RBFOX1: variants seen among roughly 807,000 people sequenced by gnomAD.
The protein encoded by RBFOX1 is RNA binding fox-1 homolog 1, also known as RNA binding protein fox-1 homolog 1.
A neutral mutation model predicts 57.7 loss-of-function variants in RBFOX1; 8 were observed. That is an observed-to-expected ratio of 0.14 (90% CI 0.08 to 0.25). RBFOX1 has a LOEUF of 0.25. Ranked by LOEUF, RBFOX1 falls within the 10% of genes least tolerant of loss-of-function variation. The probability of loss-of-function intolerance (pLI) is 1.00; values close to 1 mark genes in which losing one functional copy is unlikely to be tolerated. For synonymous variants in RBFOX1, 326 were observed against 222.4 expected, an observed-to-expected ratio of 1.47 and a Z score of -4.15; for missense variants, 611 against 548.5, an observed-to-expected ratio of 1.11 and a Z score of -1.14.
At chr16:7,653,713 G>T (rs1156530241) in intron 11 of RBFOX1, 102 bp from the exon 12 acceptor site, 2 of 1,534,570 alleles carry the variant, frequency 1.3e-6, no homozygotes, top group Non-Finnish European at 1.8e-6. Context: ...GGTCCTGCTG[G>T]GACCCTGTGC....
intron 12 of RBFOX1, among the ~76,000 whole-genome samples, chr16:7,656,883 G>T (rs983292286): frequency 6.6e-6 from 1 of 152,144 alleles, no homozygotes; most frequent in African/African-American, 2.4e-5. Flanking sequence ...CAGAAGAGAA[G>T]AAATATGGGG....
At chr16:7,549,073 C>T (rs928155643) in intron 5 of RBFOX1, among the ~76,000 whole-genome samples, 7 of 152,092 alleles carry the variant, frequency 4.6e-5, no homozygotes, top group Non-Finnish European at 8.8e-5. Flanking sequence ...TCTGAAGAGG[C>T]GACATTTAAG....
intron 2 of RBFOX1, among the ~76,000 whole-genome samples, chr16:6,575,041 TAA>T (rs60159843): frequency 0.088 from 12,553 of 141,876 alleles, 1,870 homozygotes; most frequent in African/African-American, 0.32. Context: ...CCGTCTCAAT[TAA>T]AAAAAAAAAA....
chr16:6,249,047 A>G (rs975083335), intron 1 of RBFOX1, among the ~76,000 whole-genome samples: 3 of 152,312 alleles, frequency 2.0e-5, no homozygotes, highest in Non-Finnish European at 2.9e-5. Context: ...TAAATTGATC[A>G]TTATACATTT....
At chr16:7,034,942 C>G (rs573796372) in intron 3 of RBFOX1, among the ~76,000 whole-genome samples, 1 of 145,118 alleles carries the variant, frequency 6.9e-6, no homozygotes, top group Non-Finnish European at 1.5e-5. Flanking sequence ...TCTGCCTCCC[C>G]GGTTCTATCG....
chr16:5,426,818 A>T (rs2067574702), intron 1 of RBFOX1, among the ~76,000 whole-genome samples: 1 of 152,196 alleles, frequency 6.6e-6, no homozygotes, highest in Non-Finnish European at 1.5e-5. Flanking sequence ...CAACAGTAAA[A>T]ACAGACATCT....
intron 3 of RBFOX1, among the ~76,000 whole-genome samples, chr16:6,942,152 T>C (rs2078650212): frequency 6.6e-6 from 1 of 152,122 alleles, no homozygotes; most frequent in African/African-American, 2.4e-5. Context: ...GGCAGGAGAA[T>C]TGCTTGAACT....
chr16:6,118,259 ATT>A (rs2096518777), intron 1 of RBFOX1, among the ~76,000 whole-genome samples: 1 of 152,104 alleles, frequency 6.6e-6, no homozygotes. Flanking sequence ...ATTATTCCAC[ATT>A]GTTTTTAGTT....
chr16:6,698,475 T>A (rs1354916313), intron 3 of RBFOX1, among the ~76,000 whole-genome samples: 2 of 152,202 alleles, frequency 1.3e-5, no homozygotes, highest in African/African-American at 2.4e-5. Context: ...CCTGTCATTA[T>A]CTCTTCCTGG....
chr16:6,631,389 A>G (rs2098383081), intron 2 of RBFOX1, among the ~76,000 whole-genome samples: 1 of 151,832 alleles, frequency 6.6e-6, no homozygotes, highest in Non-Finnish European at 1.5e-5. Context: ...TTTAGAAAAC[A>G]CTTTTTATTA....
chr16:5,436,414 C>T (rs1166946209), intron 1 of RBFOX1, among the ~76,000 whole-genome samples: 2 of 152,194 alleles, frequency 1.3e-5, no homozygotes, highest in Admixed American at 6.5e-5. Context: ...TCATACAAAG[C>T]CTGGTCTTCT....
chr16:7,651,079 A>T (rs1170146016), intron 11 of RBFOX1, among the ~76,000 whole-genome samples: 1 of 152,202 alleles, frequency 6.6e-6, no homozygotes, highest in Non-Finnish European at 1.5e-5. Flanking sequence ...AAAAAAAGTT[A>T]AAAATAACCT....
intron 1 of RBFOX1, among the ~76,000 whole-genome samples, chr16:6,137,942 C>G (rs918886989): frequency 6.6e-6 from 1 of 152,066 alleles, no homozygotes; most frequent in Non-Finnish European, 1.5e-5. Context: ...ACAGTTATCT[C>G]CATTTTATAT....
At chr16:7,086,718 G>GTA (rs1567205958) in intron 4 of RBFOX1, among the ~76,000 whole-genome samples, 2 of 13,224 alleles carry the variant, frequency 1.5e-4, no homozygotes, top group Admixed American at 6.2e-4. Flanking sequence ...AGGGAAGAAT[G>GTA]TATACACACA....
intron 3 of RBFOX1, among the ~76,000 whole-genome samples, chr16:5,691,249 A>G (rs957876543): frequency 6.6e-6 from 1 of 152,186 alleles, no homozygotes; most frequent in Admixed American, 6.5e-5. Context: ...ACCCAGAGCA[A>G]TTCAGGAGGA....
intron 5 of RBFOX1, among the ~76,000 whole-genome samples, chr16:7,519,212 C>G (rs1429217500): frequency 3.3e-5 from 5 of 152,172 alleles, no homozygotes; most frequent in African/African-American, 1.2e-4. Flanking sequence ...AGCCACTCCT[C>G]ATTCATACCT....
At chr16:6,026,890 G>A (rs2095206967) in intron 1 of RBFOX1, among the ~76,000 whole-genome samples, 1 of 152,198 alleles carries the variant, frequency 6.6e-6, no homozygotes, top group South Asian at 2.1e-4. Context: ...CACAGCTGGA[G>A]CTGCTCTGAT....
intron 3 of RBFOX1, among the ~76,000 whole-genome samples, chr16:6,778,864 G>GTTT (rs147698093): frequency 6.7e-6 from 1 of 148,476 alleles, no homozygotes; most frequent in African/African-American, 2.5e-5. Context: ...ACACACTCTA[G>GTTT]TTTTTTTTTT....
intron 4 of RBFOX1, among the ~76,000 whole-genome samples, chr16:7,504,710 T>G (rs2072197811): frequency 3.2e-4 from 1 of 3,142 alleles, no homozygotes. Context: ...GAAGTGAGAT[T>G]ATATATATAT....
Sources: gnomAD v4.1 joint callset for allele counts (sites outside exome capture counted in the v4.1 genomes callset) on GRCh38, gnomAD v4.1.1 for gene constraint, MANE v1.5 for transcripts, NCBI Gene and HGNC (gene_info 2026-07-23, HGNC 2026-07-21) for gene names.